The following IGF1R variants were observed in gnomAD, a reference collection of about 807,000 sequenced individuals.
IGF1R encodes insulin like growth factor 1 receptor.
Under a neutral mutation model 144.6 loss-of-function variants are expected in IGF1R, and 44 were observed. The ratio of observed to expected loss-of-function variants is 0.30; its 90% CI spans 0.24 to 0.39. The LOEUF (loss-of-function observed/expected upper bound fraction) is 0.39. Ranked by LOEUF, IGF1R falls within the 10% of genes least tolerant of loss-of-function variation. The pLI, the probability that IGF1R is intolerant of heterozygous loss-of-function variation, is 1.00. For missense variants in IGF1R, 1,355 were observed against 1,833.7 expected, an observed-to-expected ratio of 0.74 and a Z score of 4.77; for synonymous variants, 795 against 722.8, an observed-to-expected ratio of 1.10 and a Z score of -1.60.
At position 98,961,362 on chromosome 15, in the gene IGF1R, C is replaced by T. The variant is rs907669580; in HGVS notation, c.*3920C>T. On this transcript the variant is annotated 3_prime_UTR_variant, in exon 21 of 21. Coordinates refer to ENST00000650285, the MANE Select transcript of IGF1R (RefSeq NM_000875.5). ...GTAGCTTTTAAGTAGAAAACACTAA[C>T]AGTGTAGTGCCCATCATAGCAAATG... The T allele has an allele frequency of 8.6e-6, 2 of 233,348 alleles. No individual in the cohort carries two copies. Among genetic ancestry groups the T allele is most frequent in the Non-Finnish European group, 8.5e-6 (1 of 117,920 alleles). The allele number at this position is 233,348 out of a possible 1,614,324, so 14.5% of individuals were successfully genotyped here. A position where few individuals can be genotyped will look rare whatever the true frequency, so the allele number is the denominator to read the frequency against.
intron 2 of IGF1R, among the ~76,000 whole-genome samples, chr15:98,741,310 G>A (rs767693331): frequency 1.9e-4 from 17 of 91,502 alleles, no homozygotes; most frequent in Admixed American, 1.6e-4. Flanking sequence ...TTTTTAGTTT[G>A]TATCACTTCC....
In IGF1R at chr15:98,684,337, A is replaced by C. The variant is rs559093501; in HGVS notation, c.95-23225A>C. On this transcript the variant is annotated intron_variant, in intron 1 of 20. Coordinates refer to ENST00000650285, the MANE Select transcript of IGF1R (RefSeq NM_000875.5). ...CTTTGTTTATCATAATATGCCACCT[A>C]CTCTGGTTGTGTCTTACAACTGTAG... Among the ~76,000 whole-genome samples the C allele has an allele frequency of 2.3e-5, 3 of 129,198 alleles. No individual in the cohort carries two copies. In the South Asian group the frequency reaches 7.0e-4, roughly 30 times the overall value. 84.8% of individuals were successfully genotyped at this position (129,198 alleles called of 152,430 possible). A position where few individuals can be genotyped will look rare whatever the true frequency, so the allele number is the denominator to read the frequency against.
At chr15:98,872,159 T>C (rs184267710) in intron 2 of IGF1R, among the ~76,000 whole-genome samples, 161 of 152,380 alleles carry the variant, frequency 1.1e-3, no homozygotes, top group African/African-American at 3.8e-3. Context: ...ATGAAGATTA[T>C]TTTCGAGCGA....
intron 1 of IGF1R, among the ~76,000 whole-genome samples, chr15:98,698,367 GT>G (rs2053646524): frequency 6.6e-6 from 1 of 152,140 alleles, no homozygotes. Context: ...AAAGTGTTCA[GT>G]TTAAGTACCT....
Position 98,817,486 on chromosome 15 carries a change from C to T in IGF1R, c.641-73839C>T, listed in dbSNP as rs559543929. Among the ~76,000 whole-genome samples, 9 of 152,012 alleles carry T rather than the reference C, an allele frequency of 5.9e-5. No homozygotes were observed. In the South Asian group the frequency reaches 1.9e-3, roughly 32 times the overall value. ...GGGGGCCAGGTGTGGTTGAGGGGTGCTGTATTACGCTGGGTAGTCATTGAG... is the reference window on the plus strand; with the variant it reads ...GGGGGCCAGGTGTGGTTGAGGGGTGTTGTATTACGCTGGGTAGTCATTGAG... On this transcript the variant is annotated intron_variant, in intron 2 of 20. Transcript: ENST00000650285.
rs1395176700 is a variant in IGF1R at position 98,964,101 on chromosome 15, G to GTCTACC, written c.*6663_*6668dup. The GTCTACC allele has an allele frequency of 8.6e-6, 2 of 233,000 alleles. No homozygotes were observed. The highest frequency in any genetic ancestry group is 4.4e-5 in the African/African-American group (2 of 45,274). 14.4% of individuals were successfully genotyped at this position (233,000 alleles called of 1,614,324 possible). On this transcript the variant is annotated 3_prime_UTR_variant, in exon 21 of 21. Coordinates refer to ENST00000650285, the MANE Select transcript of IGF1R (RefSeq NM_000875.5). ...TGAGGTGAGAGGTTTGCCAGAGTTT[G>GTCTACC]TCTACCTCTGGGTATCCCTTTGTCT... is the stretch of plus-strand genomic sequence containing the variant.
At position 98,708,089 on chromosome 15, in the gene IGF1R, A is replaced by G. The variant is rs375616425; in HGVS notation, c.622A>G (p.Thr208Ala). The change falls in exon 2 of 21, where the codon ACA becomes GCA. Residue 208 changes from threonine to alanine, a missense_variant. Thr to Ala is a moderately conservative substitution (Grantham distance 58, BLOSUM62 0). Coordinates refer to ENST00000650285, the MANE Select transcript of IGF1R (RefSeq NM_000875.5). The part of the protein sequence containing the change: ...NNEYNYRCWT[T>A]NRCQKMCPST... The stretch of plus-strand genomic sequence containing the variant: ...TGAGTACAACTACCGCTGCTGGACC[A>G]CAAACCGCTGCCAGAAAAGTAAGAA... 5 of 1,613,400 alleles carry G rather than the reference A, an allele frequency of 3.1e-6. No homozygotes were observed. The African/African-American group carries it at 6.7e-5, about 22-fold the overall frequency.
In IGF1R at chr15:98,915,956, C is replaced by T; in HGVS notation, c.1829-8C>T. 6.2e-7 allele frequency: 1 copy of T among 1,613,554 alleles called. No homozygotes were observed. The highest frequency in any genetic ancestry group is 1.1e-5 in the South Asian group (1 of 91,070). Reference sequence around the variant, plus strand: ...ATTTTCTAGAATGTTCTTTGTTCCCCTCTCCAGTTCCTTCCATTCCCTTGG... The same window carrying T: ...ATTTTCTAGAATGTTCTTTGTTCCCTTCTCCAGTTCCTTCCATTCCCTTGG... On this transcript the variant is annotated splice_polypyrimidine_tract_variant and splice_region_variant and intron_variant, in intron 8 of 20. Coordinates refer to ENST00000650285, the MANE Select transcript of IGF1R (RefSeq NM_000875.5).
intron 2 of IGF1R, among the ~76,000 whole-genome samples, chr15:98,788,698 G>A (rs1181581757): frequency 6.6e-6 from 1 of 152,214 alleles, no homozygotes; most frequent in African/African-American, 2.4e-5. Flanking sequence ...ACAGCTCTGG[G>A]AGGCCAGTGA....
In IGF1R at chr15:98,787,113, G is replaced by C. The variant is rs368806064; in HGVS notation, c.640+79006G>C. On this transcript the variant is annotated intron_variant, in intron 2 of 20. Coordinates refer to ENST00000650285, the MANE Select transcript of IGF1R (RefSeq NM_000875.5). ...TGGACCTCCTTCGGGGCTGGGACTC[G>C]GGCAAGGGAGTTGAGTAGAGCTTCT... 2.3e-3 allele frequency among the ~76,000 whole-genome samples: 351 copies of C among 152,260 alleles called. 1 individual carries two copies. The highest frequency in any genetic ancestry group is 8.1e-3 in the African/African-American group (335 of 41,556).
chr15:98,691,275 C>T (rs1294777888), intron 1 of IGF1R, among the ~76,000 whole-genome samples: 2 of 152,112 alleles, frequency 1.3e-5, no homozygotes, highest in Non-Finnish European at 2.9e-5. Context: ...TCAGACTTTC[C>T]TTGTCCTTGG....
chr15:98,855,467 A>G (rs2011758806), intron 2 of IGF1R, among the ~76,000 whole-genome samples: 1 of 152,236 alleles, frequency 6.6e-6, no homozygotes, highest in African/African-American at 2.4e-5. Context: ...CCATAGATGG[A>G]GATGTTATCT....
At chr15:98,953,891 C>G (rs2016874753) in intron 20 of IGF1R, among the ~76,000 whole-genome samples, 1 of 152,156 alleles carries the variant, frequency 6.6e-6, no homozygotes, top group African/African-American at 2.4e-5. Flanking sequence ...AGGAAGGGCG[C>G]TCCTGCTCAG....
intron 2 of IGF1R, among the ~76,000 whole-genome samples, chr15:98,759,020 A>G (rs1003941182): frequency 2.0e-5 from 3 of 152,220 alleles, no homozygotes; most frequent in Non-Finnish European, 4.4e-5. Flanking sequence ...AAGGAAGCAT[A>G]ATACAGCATG....
chr15:98,726,016 G>T (rs1007739669), intron 2 of IGF1R, among the ~76,000 whole-genome samples: 10 of 152,102 alleles, frequency 6.6e-5, no homozygotes, highest in African/African-American at 2.4e-4. Context: ...ATTTGGGCGG[G>T]GACACAGCCA....
intron 1 of IGF1R, among the ~76,000 whole-genome samples, chr15:98,676,784 A>G (rs28527431): frequency 0.013 from 1,997 of 152,302 alleles, 48 homozygotes; most frequent in African/African-American, 0.045. Context: ...ACTATTATCT[A>G]TCTATGAAGA....
At chr15:98,668,664 A>C (rs537809867) in intron 1 of IGF1R, among the ~76,000 whole-genome samples, 1 of 152,314 alleles carries the variant, frequency 6.6e-6, no homozygotes, top group East Asian at 1.9e-4. Context: ...ACATAGAGGA[A>C]GTTATACTCC....
chr15:98,739,310 T>G (rs1444742586), intron 2 of IGF1R, among the ~76,000 whole-genome samples: 1 of 152,174 alleles, frequency 6.6e-6, no homozygotes, highest in Non-Finnish European at 1.5e-5. Flanking sequence ...AGAGAGAACC[T>G]GCTGCTGTCC....
Position 98,707,084 on chromosome 15 carries a change from A to C in IGF1R, c.95-478A>C, listed in dbSNP as rs2053882279. 6.6e-6 allele frequency among the ~76,000 whole-genome samples: 1 copy of C among 152,158 alleles called. No individual in the cohort carries two copies. Among genetic ancestry groups the C allele is most frequent in the Admixed American group, 6.5e-5 (1 of 15,278 alleles). ...TTACAAGTCACAGTGACGGTTCTCC[A>C]GTGTAGAGTAGATTGATTGCCCTGT... is the stretch of plus-strand genomic sequence containing the variant. On this transcript the variant is annotated intron_variant, in intron 1 of 20. Transcript: ENST00000650285. The surrounding 1 kb of genome is among the most constrained non-coding windows in gnomAD (Gnocchi z 6.7).
Sources: gnomAD v4.1 joint callset for allele counts (sites outside exome capture counted in the v4.1 genomes callset) on GRCh38, gnomAD v4.1.1 for gene constraint, Gnocchi (gnomAD v3.1) non-coding constraint, MANE v1.5 for transcripts, NCBI Gene and HGNC (gene_info 2026-07-23, HGNC 2026-07-21) for gene names.